NAA30: variants seen among roughly 807,000 people sequenced by gnomAD.
NAA30 encodes the protein N-alpha-acetyltransferase 30, NatC catalytic subunit.
Under a neutral mutation model 31.4 loss-of-function variants are expected in NAA30, and 5 were observed. The observed-to-expected ratio is 0.16, with a 90% CI of 0.08 to 0.33. The LOEUF is 0.33. NAA30 is among the 10% of genes least tolerant of loss of function. The probability of loss-of-function intolerance (pLI) is 1.00; values close to 1 mark genes in which losing one functional copy is unlikely to be tolerated. For missense variants in NAA30, 428 were observed against 490.8 expected (o/e 0.87, Z 1.21); for synonymous variants, 222 against 207.1 (o/e 1.07, Z -0.62).
chr14:57,409,375 GA>G lies in NAA30; in HGVS notation c.952-2del. On this transcript the variant is annotated splice_region_variant and splice_polypyrimidine_tract_variant and intron_variant, in intron 4 of 4. Coordinates refer to ENST00000556492, the MANE Select transcript of NAA30 (RefSeq NM_001011713.3). ...AACTTAGTTTTTTTCTCATTTCTTT[GA>G]AGGTTGTTTTGGAAACCGAAATAAC... 6.3e-7 allele frequency: 1 copy of G among 1,584,384 alleles called. No individual in the cohort carries two copies. The highest frequency in any genetic ancestry group is 2.3e-5 in the East Asian group (1 of 43,756).
At chr14:57,398,354 AC>A (rs1413275316) in intron 3 of NAA30, among the ~76,000 whole-genome samples, 12 of 152,266 alleles carry the variant, frequency 7.9e-5, no homozygotes, top group East Asian at 1.9e-4. Flanking sequence ...GAGGGCAGAA[AC>A]CAGTGGCTTT....
chr14:57,399,902 T>A lies in NAA30; in HGVS notation c.951+19T>A, dbSNP rs1333859073. On this transcript the variant is annotated intron_variant, in intron 4 of 4. Transcript: ENST00000556492. ...TGATGAGGTAAGTCTTTAAAAATGT[T>A]TAATATTTTTTATCTGGGCATTATT... 2.1e-5 allele frequency: 26 copies of A among 1,222,916 alleles called. No individual in the cohort carries two copies. The highest frequency in any genetic ancestry group is 2.7e-5 in the Non-Finnish European group (23 of 842,914). 75.8% of individuals were successfully genotyped at this position (1,222,916 alleles called of 1,614,324 possible).
At chr14:57,409,327 TA>T in intron 4 of NAA30, 51 bp from the exon 5 acceptor site, 1 of 1,417,318 alleles carries the variant, frequency 7.1e-7, no homozygotes, top group Non-Finnish European at 9.5e-7. Context: ...GTTGGTAAAT[TA>T]TTTTTTAAAT....
In NAA30 at chr14:57,411,432, A is replaced by C. The variant is rs2066522119; in HGVS notation, c.*1916A>C. On this transcript the variant is annotated 3_prime_UTR_variant, in exon 5 of 5. Transcript: ENST00000556492. The stretch of plus-strand genomic sequence containing the variant: ...GGAACTAAAACATTTATGTCATCAA[A>C]TTTTATTTCACTTCTTTATATTTGA... 1.3e-5 allele frequency: 2 copies of C among 152,132 alleles called. No individual in the cohort carries two copies. The highest frequency in any genetic ancestry group is 4.8e-5 in the African/African-American group (2 of 41,448). 9.4% of individuals were successfully genotyped at this position (152,132 alleles called of 1,614,324 possible). A position where few individuals can be genotyped will look rare whatever the true frequency, so the allele number is the denominator to read the frequency against.
intron 2 of NAA30, among the ~76,000 whole-genome samples, chr14:57,392,530 T>C (rs868187056): frequency 6.6e-5 from 10 of 152,210 alleles, no homozygotes; most frequent in African/African-American, 2.4e-4. Context: ...TGGACGGTTT[T>C]TAAAAATTAA....
chr14:57,409,356 GT>G, intron 4 of NAA30, 22 bp from the exon 5 acceptor site: 9 of 1,563,662 alleles, frequency 5.8e-6, no homozygotes, highest in South Asian at 1.2e-5. Flanking sequence ...TTATAACTTA[GT>G]TTTTTTCTCA....
Position 57,412,748 on chromosome 14 carries a change from G to A in NAA30, c.*3232G>A, listed in dbSNP as rs1189461830. The A allele has an allele frequency of 1.5e-4, 23 of 152,120 alleles. No individual in the cohort carries two copies. The highest frequency in any genetic ancestry group is 1.5e-3 in the Admixed American group (23 of 15,266). 9.4% of individuals were successfully genotyped at this position (152,120 alleles called of 1,614,324 possible). ...GTCAAATAAAGTATGGTTAAGTTGT[G>A]TTTGCATTTTTCTTTTAGATACAGC... On this transcript the variant is annotated 3_prime_UTR_variant, in exon 5 of 5. Coordinates refer to ENST00000556492, the MANE Select transcript of NAA30 (RefSeq NM_001011713.3).
At chr14:57,400,485 G>C (rs1424619348) in intron 4 of NAA30, among the ~76,000 whole-genome samples, 3 of 152,194 alleles carry the variant, frequency 2.0e-5, no homozygotes, top group Non-Finnish European at 4.4e-5. Context: ...AACATTTACT[G>C]TTGCACAGTG....
At chr14:57,393,392 C>T (rs1198383857) in intron 2 of NAA30, among the ~76,000 whole-genome samples, 1 of 152,014 alleles carries the variant, frequency 6.6e-6, no homozygotes, top group Non-Finnish European at 1.5e-5. Flanking sequence ...GCGATATGCA[C>T]AAGTGGTTGA....
chr14:57,399,885 TA>T lies in NAA30; in HGVS notation c.951+4del. On this transcript the variant is annotated splice_donor_region_variant and intron_variant, in intron 4 of 4. Transcript: ENST00000556492. ...ATGGTTGAGGGAGACTGTGATGAGG[TA>T]AGTCTTTAAAAATGTTTAATATTTT... The T allele has an allele frequency of 6.8e-7, 1 of 1,469,580 alleles. No individual in the cohort carries two copies. Among genetic ancestry groups the T allele is most frequent in the Non-Finnish European group, 9.4e-7 (1 of 1,059,638 alleles). 91.0% of individuals were successfully genotyped at this position (1,469,580 alleles called of 1,614,324 possible). A position where few individuals can be genotyped will look rare whatever the true frequency, so the allele number is the denominator to read the frequency against.
intron 4 of NAA30, among the ~76,000 whole-genome samples, chr14:57,404,838 G>A (rs915894283): frequency 1.3e-5 from 2 of 152,124 alleles, no homozygotes; most frequent in Admixed American, 6.5e-5. Flanking sequence ...GCACGGGAAC[G>A]ACTTGCCCCA....
In NAA30 at chr14:57,395,269, A is replaced by G. The variant is rs554138103; in HGVS notation, c.772-1483A>G. On this transcript the variant is annotated intron_variant, in intron 2 of 4. Coordinates refer to ENST00000556492, the MANE Select transcript of NAA30 (RefSeq NM_001011713.3). ...TTTTTCCGACCTAGTTTAGGTTTGC[A>G]TGAAATGGATTAGAATTATCTTGCT... Among the ~76,000 whole-genome samples the G allele has an allele frequency of 1.1e-4, 16 of 152,342 alleles. No homozygotes were observed. The East Asian group carries it at 2.9e-3, about 28-fold the overall frequency.
At position 57,414,650 on chromosome 14, in the gene NAA30, T is replaced by TA. The variant is rs2066539550; in HGVS notation, c.*5135dup. 1 of 152,248 alleles carries TA rather than the reference T, an allele frequency of 6.6e-6. No individual in the cohort carries two copies. Among genetic ancestry groups the TA allele is most frequent in the East Asian group, 1.9e-4 (1 of 5,200 alleles). The allele number at this position is 152,248 out of a possible 1,614,324, so 9.4% of individuals were successfully genotyped here. On this transcript the variant is annotated 3_prime_UTR_variant, in exon 5 of 5. Transcript: ENST00000556492. Reference sequence around the variant, plus strand: ...TGGGGATGAGGCCAAAGGCCAATGTTACTTCTAGAAGAACCAGATTAATTT... The same window carrying TA: ...TGGGGATGAGGCCAAAGGCCAATGTTAACTTCTAGAAGAACCAGATTAATTT...
At chr14:57,407,600 G>A (rs1359347086) in intron 4 of NAA30, among the ~76,000 whole-genome samples, 1 of 152,162 alleles carries the variant, frequency 6.6e-6, no homozygotes, top group Admixed American at 6.6e-5. Flanking sequence ...TCCAGAAACT[G>A]AAAATTCAGT....
intron 3 of NAA30, among the ~76,000 whole-genome samples, chr14:57,397,637 C>A (rs1446369663): frequency 3.3e-5 from 5 of 152,108 alleles, no homozygotes; most frequent in Non-Finnish European, 7.4e-5. Flanking sequence ...ACTCAATAGG[C>A]CACCAGGTGC....
chr14:57,397,872 C>T (rs907325314), intron 3 of NAA30, among the ~76,000 whole-genome samples: 62 of 152,178 alleles, frequency 4.1e-4, no homozygotes, highest in Middle Eastern at 3.4e-3. Flanking sequence ...TTGCAGTGAG[C>T]GTGCCACTGC....
chr14:57,401,401 T>A (rs17832819), intron 4 of NAA30, among the ~76,000 whole-genome samples: 6,819 of 152,296 alleles, frequency 0.045, 219 homozygotes, highest in Non-Finnish European at 0.073. Flanking sequence ...GGATCTCACA[T>A]TGTTCACAGC....
intron 3 of NAA30, 107 bp from the exon 4 acceptor site, chr14:57,399,721 C>A: frequency 1.4e-6 from 1 of 727,664 alleles, no homozygotes. Flanking sequence ...TATCTGGATT[C>A]AAGATAGAAA....
At chr14:57,396,649 C>T in intron 2 of NAA30, 103 bp from the exon 3 acceptor site, 2 of 1,193,604 alleles carry the variant, frequency 1.7e-6, no homozygotes, top group South Asian at 1.5e-5. Context: ...CATTATCTTC[C>T]CCCGTCGAAA....
Sources: gnomAD v4.1 joint callset for allele counts (sites outside exome capture counted in the v4.1 genomes callset) on GRCh38, gnomAD v4.1.1 for gene constraint, MANE v1.5 for transcripts, NCBI Gene and HGNC (gene_info 2026-07-23, HGNC 2026-07-21) for gene names.